Variants in SLC13A3 observed in about 807,000 individuals in gnomAD.
The protein encoded by SLC13A3 is Na(+)/dicarboxylate cotransporter 3.
Under a neutral mutation model 59.0 loss-of-function variants are expected in SLC13A3, and 40 were observed. That is an observed-to-expected ratio of 0.68 (90% CI 0.53 to 0.88). The LOEUF is 0.88. SLC13A3 is among the 40% of genes least tolerant of loss of function. SLC13A3 has a pLI of 0.00. For missense variants in SLC13A3, 699 were observed against 783.2 expected (o/e 0.89, Z 1.28); for synonymous variants, 317 against 330.3 (o/e 0.96, Z 0.44).
At chr20:46,656,014 T>C (rs1600622137), upstream of SLC13A3, among the ~76,000 whole-genome samples, 1 of 143,760 alleles carries the variant, frequency 7.0e-6, no homozygotes, top group Non-Finnish European at 1.5e-5. Context: ...ATACTATATA[T>C]ACAGTATATA....
intron 3 of SLC13A3, 44 bp from the exon 4 acceptor site, chr20:46,600,081 G>A (rs1383427977): frequency 7.0e-7 from 1 of 1,432,988 alleles, no homozygotes; most frequent in Non-Finnish European, 9.4e-7. Flanking sequence ...TGTAGCGAAT[G>A]GAACAGGAGT....
At chr20:46,679,880 C>G (rs943987323) in intron 1 of SLC13A3, among the ~76,000 whole-genome samples, 1 of 151,262 alleles carries the variant, frequency 6.6e-6, no homozygotes, top group East Asian at 1.9e-4. Context: ...TACACTCCAG[C>G]CTGAGTGACA....
chr20:46,650,214 TGC>T (rs762961063), intron 1 of SLC13A3, among the ~76,000 whole-genome samples: 3 of 152,090 alleles, frequency 2.0e-5, no homozygotes, highest in Non-Finnish European at 4.4e-5. Flanking sequence ...GAACTCCACC[TGC>T]GGCCTTTGAT....
chr20:46,643,892 G>A (rs2062869126), intron 1 of SLC13A3, among the ~76,000 whole-genome samples: 2 of 152,058 alleles, frequency 1.3e-5, no homozygotes, highest in Non-Finnish European at 2.9e-5. Flanking sequence ...ACAAAAATTA[G>A]CCAGGCGTGG....
rs3752267 is a variant in SLC13A3, at chr20:46,588,214, C to T, written c.1017-51G>A. The T allele has an allele frequency of 1.7e-3, 2,017 of 1,164,080 alleles. 25 individuals are homozygous for T. In the East Asian group the frequency reaches 0.02, roughly 12 times the overall value. 72.1% of individuals were successfully genotyped at this position (1,164,080 alleles called of 1,614,324 possible). On this transcript the variant is annotated intron_variant, in intron 7 of 12. Transcript: ENST00000279027. Reference sequence around the variant, plus strand: ...TGGTGACCCCGGGTTTCAGGCAGACCGCAGCAGGCACAGGCTCAGGCAGCT... The same window carrying T: ...TGGTGACCCCGGGTTTCAGGCAGACTGCAGCAGGCACAGGCTCAGGCAGCT...
chr20:46,676,099 G>C (rs2063123616), intron 1 of SLC13A3: 1 of 152,098 alleles, frequency 6.6e-6, no homozygotes, highest in Non-Finnish European at 1.5e-5. Context: ...AGTAGAGACA[G>C]GGTTTCGCCA....
chr20:46,583,965 A>G (rs892374472), intron 8 of SLC13A3: 1 of 985,384 alleles, frequency 1.0e-6, no homozygotes. Flanking sequence ...CGAGGGCCGC[A>G]GAATATTGGA....
chr20:46,667,682 C>T (rs2063069192), intron 1 of SLC13A3, among the ~76,000 whole-genome samples: 1 of 152,166 alleles, frequency 6.6e-6, no homozygotes, highest in Admixed American at 6.5e-5. Context: ...CGTTGCTGGG[C>T]AGGAGGTTTC....
In SLC13A3 at chr20:46,559,794, C is replaced by A. The variant is rs4809591; in HGVS notation, c.*228G>T. ...AGCTAACTGATAAAGGAGCTTATTT[C>A]TCAGGCAGCAGATCTGAGAGATACC... On this transcript the variant is annotated 3_prime_UTR_variant, in exon 13 of 13. Transcript: ENST00000279027. The A allele has an allele frequency of 0.098, 49,245 of 502,776 alleles. 3,687 individuals are homozygous for A. The highest frequency in any genetic ancestry group is 0.27 in the East Asian group (8,466 of 31,194). The allele number at this position is 502,776 out of a possible 1,614,324, so 31.1% of individuals were successfully genotyped here.
At chr20:46,682,694 A>C (rs2063159243) in intron 1 of SLC13A3, among the ~76,000 whole-genome samples, 1 of 152,124 alleles carries the variant, frequency 6.6e-6, no homozygotes, top group African/African-American at 2.4e-5. Context: ...CTGTTGTTAA[A>C]AGCATGGGTC....
At chr20:46,653,292 C>T (rs1031204732), upstream of SLC13A3, among the ~76,000 whole-genome samples, 1 of 152,118 alleles carries the variant, frequency 6.6e-6, no homozygotes, top group Non-Finnish European at 1.5e-5. Context: ...TTTGGATGAT[C>T]GGGTTAAGCT....
chr20:46,612,098 TC>T, intron 2 of SLC13A3, among the ~76,000 whole-genome samples: 1 of 148,406 alleles, frequency 6.7e-6, no homozygotes, highest in African/African-American at 2.6e-5. Flanking sequence ...TTCTTTTCTT[TC>T]TTTCTCTCTT....
intron 1 of SLC13A3, among the ~76,000 whole-genome samples, chr20:46,679,550 C>T (rs937402021): frequency 6.6e-6 from 1 of 150,750 alleles, no homozygotes; most frequent in Non-Finnish European, 1.5e-5. Flanking sequence ...GGAGGTGAAG[C>T]TTGCAGTGAG....
chr20:46,671,610 T>G (rs1600633110), upstream of SLC13A3, among the ~76,000 whole-genome samples: 1 of 152,114 alleles, frequency 6.6e-6, no homozygotes, highest in African/African-American at 2.4e-5. Context: ...TGCATAAGAT[T>G]TATTGGGAAT....
At chr20:46,611,982 A>G (rs2062499276) in intron 2 of SLC13A3, among the ~76,000 whole-genome samples, 1 of 152,114 alleles carries the variant, frequency 6.6e-6, no homozygotes, top group African/African-American at 2.4e-5. Context: ...CATTTCCTTC[A>G]GGGATAAACA....
upstream of SLC13A3, chr20:46,651,606 T>C (rs538152324): frequency 7.1e-5 from 88 of 1,239,348 alleles, no homozygotes; most frequent in African/African-American, 3.8e-4. Flanking sequence ...CCCGGGAACG[T>C]TGGAGAAAGT....
At chr20:46,607,382 C>T (rs1691755442) in intron 3 of SLC13A3, among the ~76,000 whole-genome samples, 1 of 152,160 alleles carries the variant, frequency 6.6e-6, no homozygotes, top group Non-Finnish European at 1.5e-5. Context: ...ACTCCCTCCA[C>T]CCCTGTCCTC....
chr20:46,609,543 T>G lies in SLC13A3; in HGVS notation c.541+903A>C, dbSNP rs909074215. On this transcript the variant is annotated intron_variant, in intron 3 of 12. Coordinates refer to ENST00000279027, the MANE Select transcript of SLC13A3 (RefSeq NM_022829.6). ...CCTTTCCATAGCAACCATTCTGATATGTTTAATGTGTAGCTTTTCATCATA... is the reference window on the plus strand; with the variant it reads ...CCTTTCCATAGCAACCATTCTGATAGGTTTAATGTGTAGCTTTTCATCATA... Among the ~76,000 whole-genome samples, 5 of 152,338 alleles carry G rather than the reference T, an allele frequency of 3.3e-5. No individual in the cohort carries two copies. The South Asian group carries it at 1.0e-3, about 32-fold the overall frequency.
intron 3 of SLC13A3, among the ~76,000 whole-genome samples, chr20:46,603,920 G>A (rs1401229138): frequency 6.6e-6 from 1 of 151,030 alleles, no homozygotes; most frequent in Non-Finnish European, 1.5e-5. Flanking sequence ...GATCTAGGGA[G>A]GTCAAGGCTG....
Sources: allele counts gnomAD v4.1 joint callset (sites outside exome capture counted in the v4.1 genomes callset), GRCh38; gene constraint gnomAD v4.1.1; transcripts MANE v1.5; gene names NCBI Gene and HGNC (gene_info 2026-07-23, HGNC 2026-07-21).